The following LRRIQ1 variants were observed in gnomAD, a reference collection of about 807,000 sequenced individuals.
LRRIQ1 encodes the protein leucine-rich repeat- and IQ domain-containing protein 1.
Under a neutral mutation model 211.9 loss-of-function variants are expected in LRRIQ1, and 210 were observed. The ratio of observed to expected loss-of-function variants is 0.99; its 90% CI spans 0.89 to 1.11. The LOEUF is 1.11. Ranked by LOEUF, LRRIQ1 falls within the 50% of genes most tolerant of loss-of-function variation. LRRIQ1 has a pLI of 0.00. For missense variants in LRRIQ1, 2,136 were observed against 1,939.5 expected, an observed-to-expected ratio of 1.10 and a Z score of -1.90; for synonymous variants, 699 against 650.1, an observed-to-expected ratio of 1.08 and a Z score of -1.14.
chr12:85,140,930 T>G (rs2136577648), intron 19 of LRRIQ1, among the ~76,000 whole-genome samples: 2 of 151,490 alleles, frequency 1.3e-5, no homozygotes, highest in Non-Finnish European at 3.0e-5. Flanking sequence ...TTAGCTATAA[T>G]GCATCATCTT....
intron 23 of LRRIQ1, among the ~76,000 whole-genome samples, chr12:85,156,559 G>A (rs1217714212): frequency 2.2e-5 from 3 of 137,866 alleles, no homozygotes; most frequent in East Asian, 4.2e-4. Context: ...TAATTCAATC[G>A]ATCTGTGATA....
intron 24 of LRRIQ1, among the ~76,000 whole-genome samples, chr12:85,197,250 C>G (rs1262806648): frequency 6.6e-6 from 1 of 151,622 alleles, no homozygotes; most frequent in Admixed American, 6.6e-5. Context: ...CTAGTTCAAC[C>G]ATTGTGGAAG....
chr12:85,225,926 C>T (rs1224265336), intron 24 of LRRIQ1, among the ~76,000 whole-genome samples: 3 of 152,186 alleles, frequency 2.0e-5, no homozygotes, highest in African/African-American at 4.8e-5. Context: ...AGAACCACTT[C>T]CTCTAACATT....
At chr12:85,213,482 A>G (rs1180386139) in intron 24 of LRRIQ1, among the ~76,000 whole-genome samples, 1 of 152,056 alleles carries the variant, frequency 6.6e-6, no homozygotes, top group Non-Finnish European at 1.5e-5. Context: ...AACTGGTTTA[A>G]TAAAATTTTC....
chr12:85,118,890 C>CATT (rs1201229741), intron 15 of LRRIQ1, among the ~76,000 whole-genome samples: 1 of 151,882 alleles, frequency 6.6e-6, no homozygotes, highest in Non-Finnish European at 1.5e-5. Context: ...CATAGGTTAA[C>CATT]AGCAAAACTG....
At chr12:85,107,102 A>G (rs1886835431) in intron 15 of LRRIQ1, among the ~76,000 whole-genome samples, 1 of 152,132 alleles carries the variant, frequency 6.6e-6, no homozygotes. Flanking sequence ...CCTAAATGTA[A>G]ACCAAGAAAA....
intron 24 of LRRIQ1, among the ~76,000 whole-genome samples, chr12:85,166,661 A>C (rs978820147): frequency 2.0e-5 from 3 of 152,240 alleles, no homozygotes; most frequent in African/African-American, 7.2e-5. Context: ...GTACTTGCTA[A>C]TAGTGCCAAT....
At chr12:85,250,940 A>T (rs1228393474) in intron 1 of LRRIQ1, among the ~76,000 whole-genome samples, 145 of 98,682 alleles carry the variant, frequency 1.5e-3, no homozygotes, top group Middle Eastern at 4.0e-3. Flanking sequence ...TATTATATAT[A>T]ATATATTTTA....
chr12:85,107,761 C>T (rs956950280), intron 15 of LRRIQ1, among the ~76,000 whole-genome samples: 7 of 151,978 alleles, frequency 4.6e-5, no homozygotes, highest in Admixed American at 4.6e-4. Flanking sequence ...CGAATAGTTT[C>T]TATTGCTTTG....
At chr12:85,100,518 A>G (rs1253782343) in intron 13 of LRRIQ1, among the ~76,000 whole-genome samples, 1 of 151,790 alleles carries the variant, frequency 6.6e-6, no homozygotes, top group East Asian at 1.9e-4. Context: ...TGGGGGATAA[A>G]AAAATGAGTA....
intron 13 of LRRIQ1, 79 bp from the exon 14 acceptor site, chr12:85,103,925 T>C (rs1886580439): frequency 1.0e-5 from 6 of 582,244 alleles, no homozygotes; most frequent in South Asian, 2.9e-5. Context: ...TATAAAAATG[T>C]ATTGTTATAT....
chr12:85,054,860 T>C (rs57806417), intron 7 of LRRIQ1, among the ~76,000 whole-genome samples: 2,457 of 152,244 alleles, frequency 0.016, 62 homozygotes, highest in African/African-American at 0.057. Context: ...AAATATAGTC[T>C]CATATCCTTT....
At chr12:85,185,588 A>G (rs558927783) in intron 24 of LRRIQ1, among the ~76,000 whole-genome samples, 1 of 152,116 alleles carries the variant, frequency 6.6e-6, no homozygotes, top group African/African-American at 2.4e-5. Context: ...ATTTATTATT[A>G]AATTAACAGC....
At chr12:85,100,597 A>T (rs1886278761) in intron 13 of LRRIQ1, among the ~76,000 whole-genome samples, 1 of 151,736 alleles carries the variant, frequency 6.6e-6, no homozygotes, top group Admixed American at 6.6e-5. Context: ...CATCTATACC[A>T]AAAAGTAAAA....
intron 15 of LRRIQ1, among the ~76,000 whole-genome samples, chr12:85,112,135 T>G (rs1166809597): frequency 6.6e-6 from 1 of 151,968 alleles, no homozygotes; most frequent in Non-Finnish European, 1.5e-5. Context: ...TTTCCAGAGA[T>G]GGAAAGATTA....
intron 8 of LRRIQ1, among the ~76,000 whole-genome samples, chr12:85,060,413 A>C (rs770275902): frequency 7.9e-5 from 12 of 151,876 alleles, no homozygotes; most frequent in Non-Finnish European, 1.8e-4. Context: ...TTTTGCTACT[A>C]ATGGTAACTT....
At chr12:85,138,084 T>C in intron 19 of LRRIQ1, 115 bp downstream of exon 19, 1 of 629,754 alleles carries the variant, frequency 1.6e-6, no homozygotes, top group Non-Finnish European at 2.5e-6. Flanking sequence ...CAGACTTTTT[T>C]CCTAACATTG....
At chr12:85,128,074 A>ATC in intron 18 of LRRIQ1, 41 bp downstream of exon 18, 1 of 1,360,334 alleles carries the variant, frequency 7.4e-7, no homozygotes, top group Non-Finnish European at 1.0e-6. Context: ...CAAAAGATAT[A>ATC]TTAGTTGTCT....
intron 15 of LRRIQ1, among the ~76,000 whole-genome samples, chr12:85,107,978 C>T (rs1886903800): frequency 6.6e-6 from 1 of 151,990 alleles, no homozygotes; most frequent in Non-Finnish European, 1.5e-5. Context: ...AATTTAACTT[C>T]CTTATCTGTT....
Sources: allele counts gnomAD v4.1 joint callset (sites outside exome capture counted in the v4.1 genomes callset), GRCh38; gene constraint gnomAD v4.1.1; transcripts MANE v1.5; gene names NCBI Gene and HGNC (gene_info 2026-07-23, HGNC 2026-07-21).